The following GPD1L variants were observed in gnomAD, a reference collection of about 807,000 sequenced individuals.
The protein encoded by GPD1L is glycerol-3-phosphate dehydrogenase 1-like protein.
In GPD1L, 17 loss-of-function variants were observed where a neutral mutation model predicts 32.9. The observed-to-expected ratio is 0.52, with a 90% CI of 0.35 to 0.78. GPD1L has a LOEUF of 0.78. Ranked by LOEUF, GPD1L falls within the 30% of genes least tolerant of loss-of-function variation. GPD1L has a pLI of 0.01. For synonymous variants in GPD1L, 187 were observed against 165.9 expected (o/e 1.13, Z -0.98); for missense variants, 361 against 447.8 (o/e 0.81, Z 1.75).
intron 2 of GPD1L, among the ~76,000 whole-genome samples, chr3:32,137,705 C>T (rs1025252978): frequency 9.2e-5 from 14 of 152,146 alleles, no homozygotes; most frequent in South Asian, 2.1e-4. Context: ...CCCTGGAGTC[C>T]GCACGGCATG....
At chr3:32,159,511 A>C in intron 6 of GPD1L, 57 bp from the exon 7 acceptor site, 1 of 1,034,238 alleles carries the variant, frequency 9.7e-7, no homozygotes, top group Non-Finnish European at 1.5e-6. Context: ...TAAACAAATA[A>C]ATGATTCTTT....
At chr3:32,127,014 C>T (rs1700517267) in intron 1 of GPD1L, among the ~76,000 whole-genome samples, 1 of 152,134 alleles carries the variant, frequency 6.6e-6, no homozygotes, top group Admixed American at 6.5e-5. Context: ...GTTGTTAAAG[C>T]ATACAGGTTT....
At chr3:32,115,389 T>C (rs1224104288) in intron 1 of GPD1L, among the ~76,000 whole-genome samples, 1 of 152,198 alleles carries the variant, frequency 6.6e-6, no homozygotes, top group Admixed American at 6.5e-5. Context: ...TACAATACTT[T>C]AGCTAGGCAG....
chr3:32,132,019 A>G (rs1219216823), intron 2 of GPD1L, among the ~76,000 whole-genome samples: 2 of 152,190 alleles, frequency 1.3e-5, no homozygotes, highest in Non-Finnish European at 2.9e-5. Context: ...CTTTGGAGAA[A>G]TGTGTATTCA....
intron 3 of GPD1L, among the ~76,000 whole-genome samples, chr3:32,139,051 G>T (rs577869748): frequency 1.2e-4 from 18 of 152,152 alleles, no homozygotes; most frequent in African/African-American, 4.3e-4. Context: ...AACCATTAGT[G>T]CCCATTCTTG....
At chr3:32,148,742 G>A (rs919618411) in intron 5 of GPD1L, among the ~76,000 whole-genome samples, 22 of 152,174 alleles carry the variant, frequency 1.4e-4, no homozygotes, top group Admixed American at 2.0e-4. Context: ...TAATCAGGCA[G>A]CATGAATGAA....
At chr3:32,111,279 G>A (rs1700242384) in intron 1 of GPD1L, among the ~76,000 whole-genome samples, 1 of 152,216 alleles carries the variant, frequency 6.6e-6, no homozygotes, top group African/African-American at 2.4e-5. Context: ...CTTGTGATAG[G>A]AAGCATATGT....
At chr3:32,127,926 AAATG>A in intron 1 of GPD1L, 146 bp from the exon 2 acceptor site, 1 of 659,052 alleles carries the variant, frequency 1.5e-6, no homozygotes, top group Admixed American at 2.5e-5. Context: ...ACTAAGTTTC[AAATG>A]GCTTGGGGCT....
chr3:32,154,033 A>C (rs370340351), intron 5 of GPD1L, among the ~76,000 whole-genome samples: 1 of 152,108 alleles, frequency 6.6e-6, no homozygotes, highest in Non-Finnish European at 1.5e-5. Flanking sequence ...CATCTGAGCG[A>C]TCTCGGAGGA....
At chr3:32,139,455 G>T in intron 3 of GPD1L, among the ~76,000 whole-genome samples, 1 of 152,020 alleles carries the variant, frequency 6.6e-6, no homozygotes, top group East Asian at 1.9e-4. Context: ...TCATAAATTT[G>T]TTTTTTAAAC....
intron 1 of GPD1L, among the ~76,000 whole-genome samples, chr3:32,116,942 C>A (rs1700340249): frequency 6.6e-6 from 1 of 152,190 alleles, no homozygotes; most frequent in Non-Finnish European, 1.5e-5. Context: ...TTCTAAGTTA[C>A]ACAGATACTA....
intron 1 of GPD1L, among the ~76,000 whole-genome samples, chr3:32,110,689 A>G (rs573980948): frequency 6.6e-6 from 1 of 152,232 alleles, no homozygotes; most frequent in African/African-American, 2.4e-5. Flanking sequence ...CAGAGAGAGG[A>G]GGCTAGAGGA....
intron 1 of GPD1L, among the ~76,000 whole-genome samples, chr3:32,119,981 A>G (rs569161359): frequency 1.0e-3 from 158 of 152,334 alleles, no homozygotes; most frequent in African/African-American, 3.7e-3. Flanking sequence ...AAATAATCAA[A>G]AAGGTCAGAA....
At position 32,135,035 on chromosome 3, in the gene GPD1L, A is replaced by G. The variant is rs778255723; in HGVS notation, c.226-3552A>G. Among the ~76,000 whole-genome samples, 100 of 152,336 alleles carry G rather than the reference A, an allele frequency of 6.6e-4. 1 individual carries two copies. Among genetic ancestry groups the G allele is most frequent in the Non-Finnish European group, 2.5e-4 (17 of 68,024 alleles). On this transcript the variant is annotated intron_variant, in intron 2 of 7. Coordinates refer to ENST00000282541, the MANE Select transcript of GPD1L (RefSeq NM_015141.4). The stretch of plus-strand genomic sequence containing the variant: ...TCGATGAAGCTGAGTAGCTTGCCAG[A>G]GGTCACACAGCTGGTCAGTTGCAGA...
Position 32,106,873 on chromosome 3 carries a change from G to A in GPD1L, c.47+115G>A, listed in dbSNP as rs749857174. The A allele has an allele frequency of 1.0e-6, 1 of 969,350 alleles. No individual in the cohort carries two copies. The highest frequency in any genetic ancestry group is 2.8e-5 in the South Asian group (1 of 36,270). 60.0% of individuals were successfully genotyped at this position (969,350 alleles called of 1,614,324 possible). On this transcript the variant is annotated intron_variant, in intron 1 of 7. Coordinates refer to ENST00000282541, the MANE Select transcript of GPD1L (RefSeq NM_015141.4). The surrounding 1 kb of genome is among the most constrained non-coding windows in gnomAD (Gnocchi z 4.0). ...GGGCACCGGGCACTGCGCGCAGGGA[G>A]GCGGGGTGGGCGACCTCGTTGCTGG...
chr3:32,145,627 G>A (rs1268602576), intron 4 of GPD1L, among the ~76,000 whole-genome samples: 2 of 152,136 alleles, frequency 1.3e-5, no homozygotes, highest in Non-Finnish European at 2.9e-5. Flanking sequence ...CATGTTGGAG[G>A]CACTGAGCAG....
intron 1 of GPD1L, among the ~76,000 whole-genome samples, chr3:32,109,051 A>C (rs918929452): frequency 6.6e-6 from 1 of 152,064 alleles, no homozygotes; most frequent in African/African-American, 2.4e-5. Context: ...GGGTTTCACC[A>C]TGTTAGCCAG....
At chr3:32,165,378 C>G (rs1701131833) in intron 7 of GPD1L, among the ~76,000 whole-genome samples, 2 of 54,974 alleles carry the variant, frequency 3.6e-5, no homozygotes, top group African/African-American at 2.4e-4. Flanking sequence ...AGCATTCCAG[C>G]CTACATTATT....
Position 32,166,323 on chromosome 3 carries a change from A to G in GPD1L, c.*413A>G. On this transcript the variant is annotated 3_prime_UTR_variant, in exon 8 of 8. Coordinates refer to ENST00000282541, the MANE Select transcript of GPD1L (RefSeq NM_015141.4). ...CTAGTGTTAAATTTTAACCAGCATT[A>G]ACATGGTAGAGTGGAGGAGTGAGTG... 3.4e-6 allele frequency: 1 copy of G among 291,038 alleles called. No homozygotes were observed. The highest frequency in any genetic ancestry group is 6.6e-6 in the Non-Finnish European group (1 of 151,054). The allele number at this position is 291,038 out of a possible 1,614,324, so 18.0% of individuals were successfully genotyped here.
Sources: allele counts gnomAD v4.1 joint callset (sites outside exome capture counted in the v4.1 genomes callset), GRCh38; gene constraint gnomAD v4.1.1; non-coding constraint Gnocchi (gnomAD v3.1); transcripts MANE v1.5; gene names NCBI Gene and HGNC (gene_info 2026-07-23, HGNC 2026-07-21).